TMEM108: variants seen among roughly 807,000 people sequenced by gnomAD.
TMEM108 encodes the protein cancer/testis antigen 124.
A neutral mutation model predicts 35.1 loss-of-function variants in TMEM108; 12 were observed. The observed-to-expected ratio is 0.34, with a 90% CI of 0.22 to 0.55. The LOEUF is 0.55. Among genes scored for constraint, TMEM108 ranks in the 20% least tolerant of loss-of-function variants. The probability of loss-of-function intolerance (pLI) is 0.89; values close to 1 mark genes in which losing one functional copy is unlikely to be tolerated. For synonymous variants in TMEM108, 287 were observed against 308.6 expected (o/e 0.93, Z 0.73); for missense variants, 680 against 753.3 (o/e 0.90, Z 1.14).
At chr3:133,147,307 C>A (rs1372858913) in intron 2 of TMEM108, among the ~76,000 whole-genome samples, 3 of 151,998 alleles carry the variant, frequency 2.0e-5, no homozygotes, top group African/African-American at 7.2e-5. Flanking sequence ...TAATTTGATT[C>A]CACTGTGGTC....
chr3:133,388,205 ACTC>A (rs1178869413), intron 4 of TMEM108: 1 of 985,152 alleles, frequency 1.0e-6, no homozygotes, highest in African/African-American at 1.8e-5. Context: ...ACCAGCTAGA[ACTC>A]CTCCAGGTGT....
At chr3:133,265,173 G>A (rs1227135654) in intron 3 of TMEM108, among the ~76,000 whole-genome samples, 1 of 152,230 alleles carries the variant, frequency 6.6e-6, no homozygotes, top group Non-Finnish European at 1.5e-5. Context: ...GCATAGATCT[G>A]CTAGGAATCA....
chr3:133,315,018 G>A (rs901832444), intron 3 of TMEM108, among the ~76,000 whole-genome samples: 8 of 152,088 alleles, frequency 5.3e-5, no homozygotes, highest in African/African-American at 1.7e-4. Flanking sequence ...ACTTAATCTT[G>A]TTTTGTCTCG....
chr3:133,243,574 A>G lies in TMEM108; in HGVS notation c.40+14223A>G, dbSNP rs9870057. Among the ~76,000 whole-genome samples, 1,437 of 151,854 alleles carry G rather than the reference A, an allele frequency of 9.5e-3. 7 individuals carry two copies. Among genetic ancestry groups the G allele is most frequent in the Non-Finnish European group, 0.013 (902 of 67,920 alleles). ...CTCGTTCTGTCACCCAGGCTGGAGT[A>G]GAGTGGCGCGATCTCGGCTCACTGC... On this transcript the variant is annotated intron_variant, in intron 3 of 5. Coordinates refer to ENST00000321871, the MANE Select transcript of TMEM108 (RefSeq NM_023943.4).
At chr3:133,106,797 A>G (rs934863297) in intron 2 of TMEM108, among the ~76,000 whole-genome samples, 1 of 152,186 alleles carries the variant, frequency 6.6e-6, no homozygotes, top group African/African-American at 2.4e-5. Context: ...AAGTCTTCAA[A>G]TGATTACAGT....
intron 2 of TMEM108, among the ~76,000 whole-genome samples, chr3:133,117,822 A>G (rs1944305920): frequency 6.6e-6 from 1 of 152,200 alleles, no homozygotes. Flanking sequence ...ATGTCTGTGA[A>G]GCCCCCATTG....
intron 4 of TMEM108, among the ~76,000 whole-genome samples, chr3:133,385,258 A>G (rs1267945865): frequency 1.3e-5 from 2 of 152,218 alleles, no homozygotes; most frequent in Non-Finnish European, 2.9e-5. Context: ...CGGATCAAAC[A>G]GGGATGGGAG....
intron 3 of TMEM108, among the ~76,000 whole-genome samples, chr3:133,351,019 C>T (rs1431072525): frequency 6.6e-6 from 1 of 152,088 alleles, no homozygotes; most frequent in Non-Finnish European, 1.5e-5. Context: ...TTCTCCAAAT[C>T]AGATTTAAAG....
intron 3 of TMEM108, among the ~76,000 whole-genome samples, chr3:133,306,745 A>G (rs1283730610): frequency 6.6e-6 from 1 of 151,898 alleles, no homozygotes; most frequent in East Asian, 1.9e-4. Context: ...TATGTGCCAC[A>G]TTTTCTTAAT....
chr3:133,067,326 G>A (rs1001234384), intron 2 of TMEM108, among the ~76,000 whole-genome samples: 1 of 152,160 alleles, frequency 6.6e-6, no homozygotes, highest in Non-Finnish European at 1.5e-5. Context: ...CCATCTGGTA[G>A]GTATTTGATG....
In TMEM108 at chr3:133,232,166, A is replaced by T. The variant is rs940818805; in HGVS notation, c.40+2815A>T. 1.4e-4 allele frequency among the ~76,000 whole-genome samples: 21 copies of T among 152,136 alleles called. 1 individual carries two copies. The highest frequency in any genetic ancestry group is 4.8e-4 in the African/African-American group (20 of 41,438). ...TGGGGTTTGGATATCTGATCCCTCC[A>T]AGTCTAATGTTGAAATTTTATCCCG... On this transcript the variant is annotated intron_variant, in intron 3 of 5. Coordinates refer to ENST00000321871, the MANE Select transcript of TMEM108 (RefSeq NM_023943.4).
At chr3:133,133,661 C>G (rs1332882066) in intron 2 of TMEM108, among the ~76,000 whole-genome samples, 1 of 151,478 alleles carries the variant, frequency 6.6e-6, no homozygotes, top group Non-Finnish European at 1.5e-5. Flanking sequence ...TCACAAGTGG[C>G]AGAGTTTTCT....
intron 3 of TMEM108, 28 bp from the exon 4 acceptor site, chr3:133,379,724 T>TA: frequency 6.2e-7 from 1 of 1,602,150 alleles, no homozygotes; most frequent in South Asian, 1.1e-5. Flanking sequence ...CCAAGTATTT[T>TA]ACCTCTTCTC....
chr3:133,196,089 A>G (rs1025045758), intron 2 of TMEM108, among the ~76,000 whole-genome samples: 1 of 152,198 alleles, frequency 6.6e-6, no homozygotes, highest in Non-Finnish European at 1.5e-5. Flanking sequence ...TTGGTAAGCC[A>G]TTGGCCACAC....
chr3:133,270,395 C>A (rs73221144), intron 3 of TMEM108, among the ~76,000 whole-genome samples: 5 of 152,228 alleles, frequency 3.3e-5, no homozygotes, highest in African/African-American at 1.2e-4. Context: ...TTCTAAAGGA[C>A]CTTGAAACCT....
intron 3 of TMEM108, among the ~76,000 whole-genome samples, chr3:133,347,804 AT>A (rs34281446): frequency 2.6e-5 from 4 of 152,078 alleles, no homozygotes; most frequent in African/African-American, 7.2e-5. Flanking sequence ...ATATAAAGAA[AT>A]TTTTTTCATA....
chr3:133,392,137 C>G, intron 5 of TMEM108, among the ~76,000 whole-genome samples: 1 of 150,914 alleles, frequency 6.6e-6, no homozygotes, highest in African/African-American at 2.4e-5. Context: ...CACCACTTCT[C>G]TTCTTTTTTT....
intron 3 of TMEM108, among the ~76,000 whole-genome samples, chr3:133,262,875 CTT>C (rs1370095008): frequency 4.6e-5 from 7 of 152,192 alleles, no homozygotes; most frequent in Non-Finnish European, 1.0e-4. Flanking sequence ...TGACAGGCGT[CTT>C]TTCCAAATCT....
chr3:133,240,332 T>G (rs10446319), intron 3 of TMEM108, among the ~76,000 whole-genome samples: 48,842 of 152,092 alleles, frequency 0.32, 8,592 homozygotes, highest in East Asian at 0.47. Flanking sequence ...CATGTTGATT[T>G]AATGTCTTAT....
Sources: gnomAD v4.1 joint callset for allele counts (sites outside exome capture counted in the v4.1 genomes callset) on GRCh38, gnomAD v4.1.1 for gene constraint, MANE v1.5 for transcripts, NCBI Gene and HGNC (gene_info 2026-07-23, HGNC 2026-07-21) for gene names.